NXPE2: variants seen among roughly 807,000 people sequenced by gnomAD.
NXPE2 encodes neurexophilin and PC-esterase domain family member 2.
In NXPE2, 34 loss-of-function variants were observed where a neutral mutation model predicts 34.4. That is an observed-to-expected ratio of 0.99 (90% CI 0.75 to 1.31). The LOEUF (loss-of-function observed/expected upper bound fraction) is 1.31. Among genes scored for constraint, NXPE2 ranks in the 40% most tolerant of loss-of-function variants. The probability of loss-of-function intolerance (pLI) is 0.00; values close to 1 mark genes in which losing one functional copy is unlikely to be tolerated. For missense variants in NXPE2, 649 were observed against 672.5 expected (o/e 0.97, Z 0.39); for synonymous variants, 235 against 231.3 (o/e 1.02, Z -0.15).
chr11:114,553,113 T>C, the NXPE2 span, among the ~76,000 whole-genome samples: 2 of 152,170 alleles, frequency 1.3e-5, no homozygotes, highest in Non-Finnish European at 2.9e-5. Flanking sequence ...TTCCTATTCA[T>C]TGTTTGGGTT....
the NXPE2 span, among the ~76,000 whole-genome samples, chr11:114,768,004 A>G: frequency 2.9e-4 from 44 of 152,284 alleles, no homozygotes; most frequent in East Asian, 6.9e-3. Context: ...AGTGGTGAGA[A>G]TTCAATGCCA....
the NXPE2 span, chr11:114,530,884 T>C: frequency 4.3e-6 from 7 of 1,612,218 alleles, no homozygotes; most frequent in Non-Finnish European, 5.1e-6. Flanking sequence ...TGGACAGAGA[T>C]GGATAAGTTT....
the NXPE2 span, among the ~76,000 whole-genome samples, chr11:114,660,241 C>T: frequency 2.6e-5 from 4 of 151,922 alleles, no homozygotes. Flanking sequence ...GGAATCAATA[C>T]TAACAATTCT....
At chr11:114,739,888 C>T in the NXPE2 span, among the ~76,000 whole-genome samples, 1 of 152,132 alleles carries the variant, frequency 6.6e-6, no homozygotes, top group Admixed American at 6.5e-5. Context: ...TCTTCAGATT[C>T]ATTCACGTTG....
chr11:114,564,491 A>C, the NXPE2 span, among the ~76,000 whole-genome samples: 1 of 152,178 alleles, frequency 6.6e-6, no homozygotes, highest in East Asian at 1.9e-4. Flanking sequence ...CATGAAATGT[A>C]TGATTTAATT....
the NXPE2 span, among the ~76,000 whole-genome samples, chr11:114,786,845 T>A: frequency 6.6e-6 from 1 of 152,038 alleles, no homozygotes; most frequent in Non-Finnish European, 1.5e-5. Flanking sequence ...CCACGCATGG[T>A]TCACAGTACC....
chr11:114,663,660 T>TATCC, the NXPE2 span, among the ~76,000 whole-genome samples: 9 of 132,722 alleles, frequency 6.8e-5, no homozygotes, highest in Non-Finnish European at 4.9e-5. Context: ...ATCATCTATT[T>TATCC]ATCTATCATC....
chr11:114,737,131 T>C, the NXPE2 span, among the ~76,000 whole-genome samples: 1 of 152,232 alleles, frequency 6.6e-6, no homozygotes, highest in Non-Finnish European at 1.5e-5. Flanking sequence ...GTTCTGACAA[T>C]AGTCCAATTT....
the NXPE2 span, among the ~76,000 whole-genome samples, chr11:114,771,547 C>G: frequency 6.6e-6 from 1 of 151,960 alleles, no homozygotes; most frequent in Admixed American, 6.6e-5. Context: ...CACAGGTCAA[C>G]TGGGAGGGAG....
chr11:114,803,247 C>T, the NXPE2 span, among the ~76,000 whole-genome samples: 1 of 152,218 alleles, frequency 6.6e-6, no homozygotes, highest in African/African-American at 2.4e-5. Flanking sequence ...TCTAAACCTA[C>T]ACACTTCAGG....
At chr11:114,615,569 C>A in the NXPE2 span, among the ~76,000 whole-genome samples, 2 of 150,730 alleles carry the variant, frequency 1.3e-5, no homozygotes, top group Admixed American at 6.6e-5. Context: ...TCGTGGGTAA[C>A]CACCTTTACC....
chr11:114,678,570 G>A lies in NXPE2; in HGVS notation c.-6G>A, dbSNP rs1249790384. On this transcript the variant is annotated 5_prime_UTR_variant, in exon 1 of 6. Transcript: ENST00000389586. The stretch of plus-strand genomic sequence containing the variant: ...GACACTATAATTCCTGTGAGAACAC[G>A]AGAAGATGGTGGAGAAAATACTCAT... The A allele has an allele frequency of 1.3e-6, 2 of 1,546,886 alleles. No homozygotes were observed. The highest frequency in any genetic ancestry group is 1.7e-6 in the Non-Finnish European group (2 of 1,142,868).
the NXPE2 span, among the ~76,000 whole-genome samples, chr11:114,790,791 A>G: frequency 4.6e-5 from 7 of 151,698 alleles, no homozygotes; most frequent in African/African-American, 1.7e-4. Flanking sequence ...TGATTTATGA[A>G]AAAAGGAAGG....
At chr11:114,610,918 T>G in the NXPE2 span, among the ~76,000 whole-genome samples, 1 of 151,830 alleles carries the variant, frequency 6.6e-6, no homozygotes, top group Non-Finnish European at 1.5e-5. Context: ...TGGTGGATAA[T>G]AAGTATTGCC....
chr11:114,715,534 T>A, the NXPE2 span, among the ~76,000 whole-genome samples: 3 of 152,178 alleles, frequency 2.0e-5, no homozygotes, highest in Non-Finnish European at 4.4e-5. Flanking sequence ...ACCAATAAAT[T>A]GTAAAGAAAA....
At chr11:114,551,799 G>A in the NXPE2 span, among the ~76,000 whole-genome samples, 3 of 152,060 alleles carry the variant, frequency 2.0e-5, no homozygotes, top group African/African-American at 7.2e-5. Context: ...TGTGAGGAAG[G>A]GGGAAGAAGG....
the NXPE2 span, among the ~76,000 whole-genome samples, chr11:114,650,778 C>T: frequency 6.6e-6 from 1 of 152,114 alleles, no homozygotes; most frequent in South Asian, 2.1e-4. Flanking sequence ...GGAGCAAGAA[C>T]TCTGGAAAGA....
At chr11:114,580,203 C>T in the NXPE2 span, 3 of 1,613,928 alleles carry the variant, frequency 1.9e-6, no homozygotes, top group African/African-American at 4.0e-5. Context: ...TATGAGTTTT[C>T]CTCTCAGGCA....
chr11:114,691,279 G>A (rs953951347), intron 2 of NXPE2, among the ~76,000 whole-genome samples: 4 of 151,196 alleles, frequency 2.6e-5, no homozygotes, highest in Non-Finnish European at 4.4e-5. Context: ...TTTTTCTTGG[G>A]GGTATGGCTA....
Sources: allele counts gnomAD v4.1 joint callset (sites outside exome capture counted in the v4.1 genomes callset), GRCh38; gene constraint gnomAD v4.1.1; transcripts MANE v1.5; gene names NCBI Gene and HGNC (gene_info 2026-07-23, HGNC 2026-07-21).